The following PTPRN2 variants were observed in gnomAD, a reference collection of about 807,000 sequenced individuals.
PTPRN2 encodes receptor-type tyrosine-protein phosphatase N2.
A neutral mutation model predicts 118.8 loss-of-function variants in PTPRN2; 74 were observed. The ratio of observed to expected loss-of-function variants is 0.62; its 90% CI spans 0.52 to 0.76. PTPRN2 has a LOEUF of 0.76. PTPRN2 is among the 30% of genes least tolerant of loss of function. PTPRN2 has a pLI of 0.00. For synonymous variants in PTPRN2, 641 were observed against 608.0 expected, an observed-to-expected ratio of 1.05 and a Z score of -0.80; for missense variants, 1,481 against 1,394.4, an observed-to-expected ratio of 1.06 and a Z score of -0.99.
chr7:157,873,078 T>A (rs57619601), intron 12 of PTPRN2, among the ~76,000 whole-genome samples: 1 of 152,214 alleles, frequency 6.6e-6, no homozygotes, highest in African/African-American at 2.4e-5. Flanking sequence ...TGTATGTCCC[T>A]CACCCGAGCC....
intron 1 of PTPRN2, among the ~76,000 whole-genome samples, chr7:158,518,116 G>A (rs1823702370): frequency 2.0e-5 from 3 of 152,112 alleles, no homozygotes; most frequent in African/African-American, 4.8e-5. Context: ...GGCAAGAGTG[G>A]GTTTATCTCA....
chr7:158,251,766 G>A (rs113181304), intron 3 of PTPRN2, among the ~76,000 whole-genome samples: 1 of 152,092 alleles, frequency 6.6e-6, no homozygotes, highest in African/African-American at 2.4e-5. Context: ...TATGGTGCAC[G>A]TATGCATGTG....
intron 9 of PTPRN2, among the ~76,000 whole-genome samples, chr7:158,128,866 C>A (rs981680774): frequency 3.3e-5 from 5 of 152,118 alleles, no homozygotes; most frequent in African/African-American, 1.2e-4. Context: ...CAGGGAAACA[C>A]ACAGTGTCCA....
At chr7:158,120,814 G>C (rs941987782) in intron 9 of PTPRN2, among the ~76,000 whole-genome samples, 1 of 152,196 alleles carries the variant, frequency 6.6e-6, no homozygotes, top group Non-Finnish European at 1.5e-5. Context: ...AGAATGGCCA[G>C]ATGTTGGGCC....
At chr7:157,662,432 C>T (rs1046969613) in intron 13 of PTPRN2, among the ~76,000 whole-genome samples, 10 of 152,212 alleles carry the variant, frequency 6.6e-5, no homozygotes, top group African/African-American at 2.2e-4. Flanking sequence ...AGCACTCCCA[C>T]GCCACCCAGA....
At chr7:157,852,051 G>A (rs932571205) in intron 12 of PTPRN2, among the ~76,000 whole-genome samples, 2 of 152,240 alleles carry the variant, frequency 1.3e-5, no homozygotes, top group African/African-American at 4.8e-5. Context: ...ACACCTTCAC[G>A]TTATCAGCCT....
intron 13 of PTPRN2, among the ~76,000 whole-genome samples, chr7:157,659,278 C>T (rs946045190): frequency 2.4e-5 from 3 of 125,118 alleles, no homozygotes; most frequent in Admixed American, 8.9e-5. Flanking sequence ...AGGATGACCG[C>T]GGGGACTGGG....
chr7:158,560,440 G>A (rs922788641), intron 1 of PTPRN2, among the ~76,000 whole-genome samples: 7 of 152,254 alleles, frequency 4.6e-5, no homozygotes, highest in Non-Finnish European at 8.8e-5. Context: ...GGGGACAAAT[G>A]GGGGGTTTGC....
intron 2 of PTPRN2, among the ~76,000 whole-genome samples, chr7:158,458,569 C>A (rs893675300): frequency 6.6e-6 from 1 of 152,188 alleles, no homozygotes; most frequent in Non-Finnish European, 1.5e-5. Context: ...ACGAAGTCGA[C>A]CGCCGGAGCC....
At chr7:158,444,069 G>A (rs1244469389) in intron 2 of PTPRN2, among the ~76,000 whole-genome samples, 8 of 152,214 alleles carry the variant, frequency 5.3e-5, no homozygotes, top group African/African-American at 1.2e-4. Context: ...CCCACTGCAC[G>A]GGGAGGTGCT....
chr7:158,526,528 C>G lies in PTPRN2; in HGVS notation c.113-36743G>C, dbSNP rs553796730. On this transcript the variant is annotated intron_variant, in intron 1 of 22. Transcript: ENST00000389418. The surrounding 1 kb of genome is among the most constrained non-coding windows in gnomAD (Gnocchi z 5.2). ...AAACTGACTCGGTTGTTCTCCATTCCTGATCCCATTTCCTGTTTGTGGGTG... is the reference window on the plus strand; with the variant it reads ...AAACTGACTCGGTTGTTCTCCATTCGTGATCCCATTTCCTGTTTGTGGGTG... 1.3e-5 allele frequency among the ~76,000 whole-genome samples: 2 copies of G among 152,326 alleles called. No individual in the cohort carries two copies. The highest frequency in any genetic ancestry group is 4.8e-5 in the African/African-American group (2 of 41,576).
intron 11 of PTPRN2, among the ~76,000 whole-genome samples, chr7:157,984,774 G>A (rs1388353295): frequency 6.6e-6 from 1 of 152,090 alleles, no homozygotes; most frequent in Non-Finnish European, 1.5e-5. Context: ...CCCACCAACC[G>A]CTTCTAAAGA....
intron 5 of PTPRN2, among the ~76,000 whole-genome samples, chr7:158,174,641 T>G (rs1477668085): frequency 6.6e-6 from 1 of 152,216 alleles, no homozygotes; most frequent in African/African-American, 2.4e-5. Context: ...GATGTGGCCC[T>G]GTCCTCAAAC....
chr7:158,319,697 CCTCCCTCAT>C (rs1802749342), intron 2 of PTPRN2, among the ~76,000 whole-genome samples: 2 of 4,420 alleles, frequency 4.5e-4, no homozygotes, highest in African/African-American at 2.2e-3. Context: ...TCTCACACAG[CCTCCCTCAT>C]ACACACAGCC....
At chr7:158,404,574 C>T (rs1004990209) in intron 2 of PTPRN2, among the ~76,000 whole-genome samples, 5 of 152,206 alleles carry the variant, frequency 3.3e-5, no homozygotes, top group Non-Finnish European at 7.4e-5. Context: ...TGGTTATATC[C>T]ACCCCAACAA....
intron 12 of PTPRN2, among the ~76,000 whole-genome samples, chr7:157,791,095 T>C (rs549821168): frequency 5.9e-5 from 9 of 152,362 alleles, no homozygotes; most frequent in Non-Finnish European, 1.2e-4. Flanking sequence ...ATAAGAATTA[T>C]AGCATAAGTG....
intron 9 of PTPRN2, among the ~76,000 whole-genome samples, chr7:158,113,335 C>A (rs528344466): frequency 6.6e-6 from 1 of 152,226 alleles, no homozygotes; most frequent in African/African-American, 2.4e-5. Context: ...ACTGTAAGAG[C>A]TGCCCAGGGT....
At position 157,609,641 on chromosome 7, in the gene PTPRN2, C is replaced by T. The variant is rs75084636; in HGVS notation, c.2345-5566G>A. On this transcript the variant is annotated intron_variant, in intron 15 of 22. Transcript: ENST00000389418. The surrounding 1 kb of genome is among the most constrained non-coding windows in gnomAD (Gnocchi z 4.9). ...CCCAGCCCCACTGCTTGCCAGCGGG[C>T]GATCCTGGGTAAACTGTTCAGTGTT... Among the ~76,000 whole-genome samples the T allele has an allele frequency of 0.065, 9,839 of 152,194 alleles. 464 individuals carry two copies. The highest frequency in any genetic ancestry group is 0.25 in the East Asian group (1,278 of 5,146).
chr7:157,775,244 C>T lies in PTPRN2; in HGVS notation c.1789-92307G>A, dbSNP rs555186142. On this transcript the variant is annotated intron_variant, in intron 12 of 22. Transcript: ENST00000389418. ...CACTCGCTCTCACCCTTCGGGTCTG[C>T]GGCAGCTACTGTCATATGAGCTGCT... 2.0e-4 allele frequency among the ~76,000 whole-genome samples: 31 copies of T among 152,318 alleles called. 1 individual carries two copies. The South Asian group carries it at 4.8e-3, about 23-fold the overall frequency.
Sources: allele counts gnomAD v4.1 joint callset (sites outside exome capture counted in the v4.1 genomes callset), GRCh38; gene constraint gnomAD v4.1.1; non-coding constraint Gnocchi (gnomAD v3.1); transcripts MANE v1.5; gene names NCBI Gene and HGNC (gene_info 2026-07-23, HGNC 2026-07-21).